TNS3: variants seen among roughly 807,000 people sequenced by gnomAD.
TNS3 encodes the protein tensin-3.
A neutral mutation model predicts 140.9 loss-of-function variants in TNS3; 45 were observed. The observed-to-expected ratio is 0.32, with a 90% CI of 0.25 to 0.41. TNS3 has a LOEUF of 0.41. Ranked by LOEUF, TNS3 falls within the 10% of genes least tolerant of loss-of-function variation. The pLI is 1.00. For synonymous variants in TNS3, 815 were observed against 788.4 expected (o/e 1.03, Z -0.56); for missense variants, 1,716 against 1,906.7 (o/e 0.90, Z 1.86).
At chr7:47,513,116 G>A (rs1416122830) in intron 2 of TNS3, among the ~76,000 whole-genome samples, 3 of 152,128 alleles carry the variant, frequency 2.0e-5, no homozygotes, top group African/African-American at 4.8e-5. Context: ...ATAATATAGT[G>A]AAGTCTCAGA....
chr7:47,567,030 CAAAA>C (rs541987899), intron 1 of TNS3, among the ~76,000 whole-genome samples: 4 of 98,756 alleles, frequency 4.1e-5, no homozygotes, highest in East Asian at 2.7e-4. Context: ...GACTCCATCT[CAAAA>C]AAAAAAAAAA....
rs1466620873 is a variant in TNS3 at position 47,442,029 on chromosome 7, A to C, written c.-49T>G. 20 of 1,288,552 alleles carry C rather than the reference A, an allele frequency of 1.6e-5. No individual in the cohort carries two copies. The highest frequency in any genetic ancestry group is 7.0e-5 in the Admixed American group (3 of 43,046). The allele number at this position is 1,288,552 out of a possible 1,614,324, so 79.8% of individuals were successfully genotyped here. ...GCAGAGGTTTATCACGGCAGAGAGAACTGGACAGCGTGGAACTCCCTGGAG... is the reference window on the plus strand; with the variant it reads ...GCAGAGGTTTATCACGGCAGAGAGACCTGGACAGCGTGGAACTCCCTGGAG... On this transcript the variant is annotated 5_prime_UTR_variant, in exon 5 of 31. Transcript: ENST00000311160.
intron 4 of TNS3, among the ~76,000 whole-genome samples, chr7:47,447,805 C>A (rs994037639): frequency 1.3e-5 from 2 of 152,172 alleles, no homozygotes; most frequent in Non-Finnish European, 1.5e-5. Context: ...CCAAGACCAG[C>A]GGACAACTCT....
chr7:47,347,028 A>C (rs1311992680), intron 17 of TNS3, among the ~76,000 whole-genome samples: 1 of 152,112 alleles, frequency 6.6e-6, no homozygotes, highest in African/African-American at 2.4e-5. Context: ...TAATTTTCTA[A>C]AACCTCTTCC....
Position 47,549,540 on chromosome 7 carries a change from C to A in TNS3, c.-264-20393G>T, listed in dbSNP as rs529940493. On this transcript the variant is annotated intron_variant, in intron 1 of 30. Coordinates refer to ENST00000311160, the MANE Select transcript of TNS3 (RefSeq NM_022748.12). The stretch of plus-strand genomic sequence containing the variant: ...GAGCCCACAGACCAATGTGATCTAG[C>A]CCCTGCCTGTCTCTGGCCTGCTCTC... Among the ~76,000 whole-genome samples, 91 of 152,204 alleles carry A rather than the reference C, an allele frequency of 6.0e-4. 1 individual carries two copies. The South Asian group carries it at 6.6e-3, about 11-fold the overall frequency.
chr7:47,555,155 C>G (rs1395887162), intron 1 of TNS3, among the ~76,000 whole-genome samples: 1 of 151,790 alleles, frequency 6.6e-6, no homozygotes, highest in East Asian at 1.9e-4. Flanking sequence ...AATCCCAGCA[C>G]TTTGGGAGGC....
intron 17 of TNS3, among the ~76,000 whole-genome samples, chr7:47,347,329 A>C (rs1440068664): frequency 6.6e-6 from 1 of 152,154 alleles, no homozygotes; most frequent in African/African-American, 2.4e-5. Flanking sequence ...TGATAGTGAC[A>C]TACAGTCGTG....
intron 1 of TNS3, among the ~76,000 whole-genome samples, chr7:47,543,901 C>A (rs527375005): frequency 6.6e-6 from 1 of 152,338 alleles, no homozygotes; most frequent in Admixed American, 6.5e-5. Context: ...TTCTGACATC[C>A]TTTGCATGGT....
chr7:47,373,211 A>G (rs1241954606), intron 16 of TNS3, among the ~76,000 whole-genome samples: 1 of 152,166 alleles, frequency 6.6e-6, no homozygotes, highest in Non-Finnish European at 1.5e-5. Flanking sequence ...ATCTTTGAAG[A>G]TGGGATCCCC....
intron 9 of TNS3, among the ~76,000 whole-genome samples, chr7:47,427,308 C>T (rs1794710312): frequency 6.6e-6 from 1 of 152,092 alleles, no homozygotes; most frequent in African/African-American, 2.4e-5. Flanking sequence ...ATCTGATTTT[C>T]ACTTGGGGGT....
chr7:47,501,595 C>A (rs1185803766), intron 3 of TNS3, among the ~76,000 whole-genome samples: 1 of 152,152 alleles, frequency 6.6e-6, no homozygotes, highest in Non-Finnish European at 1.5e-5. Flanking sequence ...TCAAAGAATG[C>A]AGTAACCGAG....
intron 10 of TNS3, among the ~76,000 whole-genome samples, chr7:47,421,915 C>T (rs981564535): frequency 6.6e-6 from 1 of 152,068 alleles, no homozygotes; most frequent in Non-Finnish European, 1.5e-5. Context: ...GTGATTATTA[C>T]GAGTTTGACT....
rs772988286 is a variant in TNS3 at position 47,396,923 on chromosome 7, G to A, written c.920-19C>T. ...TCGGACCCTGCACAGAGCACAGGCA[G>A]CAACATTAGTCCCAGTGAAACCCAT... On this transcript the variant is annotated intron_variant, in intron 15 of 30. Transcript: ENST00000311160. 1.9e-6 allele frequency: 3 copies of A among 1,586,814 alleles called. No individual in the cohort carries two copies. Among genetic ancestry groups the A allele is most frequent in the South Asian group, 2.2e-5 (2 of 90,528 alleles).
chr7:47,282,525 C>G (rs1785201060), intron 28 of TNS3, among the ~76,000 whole-genome samples: 1 of 152,158 alleles, frequency 6.6e-6, no homozygotes, highest in Non-Finnish European at 1.5e-5. Context: ...AGCCATGCCC[C>G]TGACCCTGAG....
chr7:47,521,283 C>G (rs1330217486), intron 2 of TNS3, among the ~76,000 whole-genome samples: 1 of 152,176 alleles, frequency 6.6e-6, no homozygotes, highest in Non-Finnish European at 1.5e-5. Flanking sequence ...CACACGGGAT[C>G]CTGTTCCTGC....
intron 2 of TNS3, 37 bp from the exon 3 acceptor site, chr7:47,506,981 C>T (rs761282711): frequency 3.1e-6 from 4 of 1,279,826 alleles, no homozygotes; most frequent in Admixed American, 2.3e-5. Context: ...GTGTGTCAAG[C>T]AGTCTCTCTA....
chr7:47,516,518 G>C (rs1294711130), intron 2 of TNS3, among the ~76,000 whole-genome samples: 1 of 152,002 alleles, frequency 6.6e-6, no homozygotes, highest in Non-Finnish European at 1.5e-5. Context: ...TGACTATCAG[G>C]ACCCCATCTC....
chr7:47,434,943 A>G (rs775007953), intron 8 of TNS3, among the ~76,000 whole-genome samples: 1 of 152,274 alleles, frequency 6.6e-6, no homozygotes, highest in Non-Finnish European at 1.5e-5. Context: ...GGGCATACAT[A>G]GCTCTTTTGA....
At chr7:47,565,671 A>G (rs756321352) in intron 1 of TNS3, among the ~76,000 whole-genome samples, 1 of 152,172 alleles carries the variant, frequency 6.6e-6, no homozygotes. Flanking sequence ...ACGCTTGGCC[A>G]GTTTTTTATT....
Sources: gnomAD v4.1 joint callset for allele counts (sites outside exome capture counted in the v4.1 genomes callset) on GRCh38, gnomAD v4.1.1 for gene constraint, MANE v1.5 for transcripts, NCBI Gene and HGNC (gene_info 2026-07-23, HGNC 2026-07-21) for gene names.